CALN1: variants seen among roughly 807,000 people sequenced by gnomAD.
CALN1 encodes calcium-binding protein 8.
In CALN1, 17 loss-of-function variants were observed where a neutral mutation model predicts 30.6. The observed-to-expected ratio is 0.56, with a 90% CI of 0.38 to 0.83. CALN1 has a LOEUF of 0.83. Ranked by LOEUF, CALN1 falls within the 40% of genes least tolerant of loss-of-function variation. The pLI is 0.00. For missense variants in CALN1, 291 were observed against 354.9 expected (o/e 0.82, Z 1.45); for synonymous variants, 156 against 131.4 (o/e 1.19, Z -1.28).
chr7:71,949,571 G>C (rs1337291444), intron 5 of CALN1, among the ~76,000 whole-genome samples: 2 of 151,398 alleles, frequency 1.3e-5, no homozygotes, highest in African/African-American at 4.9e-5. Context: ...GTAGAGATGG[G>C]GTTTCACCAT....
intron 4 of CALN1, among the ~76,000 whole-genome samples, chr7:72,030,190 T>C (rs953041634): frequency 1.3e-5 from 2 of 152,164 alleles, no homozygotes; most frequent in Admixed American, 6.6e-5. Context: ...CGTTAGAGTA[T>C]TGGGAAAACA....
At chr7:71,944,574 A>G (rs1302455764) in intron 5 of CALN1, among the ~76,000 whole-genome samples, 11 of 147,858 alleles carry the variant, frequency 7.4e-5, no homozygotes, top group Non-Finnish European at 1.5e-4. Flanking sequence ...AGCCTGGGCA[A>G]TAAGAGTAAA....
chr7:72,484,750 A>T, the CALN1 span, among the ~76,000 whole-genome samples: 1 of 152,126 alleles, frequency 6.6e-6, no homozygotes, highest in African/African-American at 2.4e-5. Context: ...TCCCACTCCC[A>T]CAACACTGCC....
chr7:71,788,491 GTTT>G (rs1298189911), intron 6 of CALN1, among the ~76,000 whole-genome samples: 2 of 126,828 alleles, frequency 1.6e-5, no homozygotes, highest in Admixed American at 8.0e-5. Flanking sequence ...TTTTTTTGTT[GTTT>G]TTTTTTTTTT....
chr7:72,037,441 C>A (rs1801869624), intron 4 of CALN1, among the ~76,000 whole-genome samples: 1 of 152,180 alleles, frequency 6.6e-6, no homozygotes, highest in South Asian at 2.1e-4. Flanking sequence ...TGAGCTATTG[C>A]ACCCAGCCTC....
At chr7:72,328,080 A>G (rs1416476788) in intron 2 of CALN1, among the ~76,000 whole-genome samples, 3 of 152,048 alleles carry the variant, frequency 2.0e-5, no homozygotes, top group African/African-American at 7.3e-5. Flanking sequence ...TCCAAGTTCT[A>G]TGTAACATTT....
chr7:72,109,124 G>A (rs186192476), intron 3 of CALN1, among the ~76,000 whole-genome samples: 6 of 152,166 alleles, frequency 3.9e-5, no homozygotes, highest in Non-Finnish European at 5.9e-5. Flanking sequence ...AGCTGTTCAA[G>A]GGATGATGAG....
chr7:72,236,582 G>A (rs554856424), intron 3 of CALN1, among the ~76,000 whole-genome samples: 2 of 152,220 alleles, frequency 1.3e-5, no homozygotes, highest in Non-Finnish European at 2.9e-5. Flanking sequence ...GTTCAGGGTT[G>A]CAGAATTTTT....
chr7:72,083,511 G>A (rs764599357), intron 4 of CALN1, among the ~76,000 whole-genome samples: 5 of 152,092 alleles, frequency 3.3e-5, no homozygotes, highest in Non-Finnish European at 7.4e-5. Context: ...TTGAGCCCAG[G>A]AGCTTGAGGC....
At chr7:72,008,741 C>T (rs1490072071) in intron 5 of CALN1, among the ~76,000 whole-genome samples, 16 of 151,560 alleles carry the variant, frequency 1.1e-4, no homozygotes, top group South Asian at 6.3e-4. Flanking sequence ...CTGCAACCTC[C>T]GCCTCCCGGG....
Position 72,172,522 on chromosome 7 carries a change from G to A in CALN1, c.245-66228C>T, listed in dbSNP as rs573038895. Among the ~76,000 whole-genome samples, 34 of 152,248 alleles carry A rather than the reference G, an allele frequency of 2.2e-4. No individual in the cohort carries two copies. The South Asian group carries it at 3.5e-3, about 16-fold the overall frequency. Reference sequence around the variant, plus strand: ...AATAACTCTAGTGAACAAAGATGCCGAAATCCTTATTACAGTATTAGCAAA... The same window carrying A: ...AATAACTCTAGTGAACAAAGATGCCAAAATCCTTATTACAGTATTAGCAAA... On this transcript the variant is annotated intron_variant, in intron 3 of 6. Transcript: ENST00000395275.
At chr7:72,091,665 T>C (rs955092562) in intron 4 of CALN1, among the ~76,000 whole-genome samples, 2 of 152,192 alleles carry the variant, frequency 1.3e-5, no homozygotes, top group African/African-American at 4.8e-5. Context: ...CTAAAGCCTA[T>C]AGAGACCAAG....
intron 3 of CALN1, among the ~76,000 whole-genome samples, chr7:72,207,143 G>C (rs1308589000): frequency 6.6e-6 from 1 of 152,124 alleles, no homozygotes; most frequent in Non-Finnish European, 1.5e-5. Flanking sequence ...GACATGACTA[G>C]CAAGGGCTCA....
At chr7:72,138,352 A>G (rs1459129828) in intron 3 of CALN1, among the ~76,000 whole-genome samples, 1 of 152,168 alleles carries the variant, frequency 6.6e-6, no homozygotes, top group Admixed American at 6.5e-5. Flanking sequence ...TATTCTACAA[A>G]ATGAAACCAA....
At chr7:72,240,504 T>C (rs1292513455) in intron 3 of CALN1, among the ~76,000 whole-genome samples, 1 of 152,194 alleles carries the variant, frequency 6.6e-6, no homozygotes, top group Non-Finnish European at 1.5e-5. Context: ...GGAGATTTGC[T>C]GAATAGCTTC....
chr7:72,058,469 C>G (rs751832929), intron 4 of CALN1, among the ~76,000 whole-genome samples: 1 of 151,962 alleles, frequency 6.6e-6, no homozygotes, highest in Non-Finnish European at 1.5e-5. Flanking sequence ...AGGTGCCCAC[C>G]ACCACACTCA....
intron 4 of CALN1, among the ~76,000 whole-genome samples, chr7:72,104,760 C>T (rs2129541153): frequency 6.6e-6 from 1 of 152,190 alleles, no homozygotes; most frequent in East Asian, 1.9e-4. Flanking sequence ...AGATTGAGAC[C>T]ATCCTGGCCA....
chr7:72,009,853 A>C (rs771925118), intron 5 of CALN1, among the ~76,000 whole-genome samples: 1 of 152,220 alleles, frequency 6.6e-6, no homozygotes, highest in Non-Finnish European at 1.5e-5. Context: ...TGGAAACGTA[A>C]GTCCATTAAA....
intron 3 of CALN1, among the ~76,000 whole-genome samples, chr7:72,177,459 C>A (rs1007264178): frequency 6.6e-6 from 1 of 152,032 alleles, no homozygotes; most frequent in Non-Finnish European, 1.5e-5. Flanking sequence ...CTACACCAAG[C>A]TTTATATTAC....
Sources: gnomAD v4.1 joint callset for allele counts (sites outside exome capture counted in the v4.1 genomes callset) on GRCh38, gnomAD v4.1.1 for gene constraint, MANE v1.5 for transcripts, NCBI Gene and HGNC (gene_info 2026-07-23, HGNC 2026-07-21) for gene names.